The following LAMA3 variants were observed in gnomAD, a reference collection of about 807,000 sequenced individuals.
LAMA3 encodes the protein laminin subunit alpha-3.
In LAMA3, 281 loss-of-function variants were observed where a neutral mutation model predicts 402.0. The ratio of observed to expected loss-of-function variants is 0.70; its 90% CI spans 0.63 to 0.77. The LOEUF is 0.77. Ranked by LOEUF, LAMA3 falls within the 30% of genes least tolerant of loss-of-function variation. The pLI is 0.00. For synonymous variants in LAMA3, 1,431 were observed against 1,558.4 expected (o/e 0.92, Z 1.93); for missense variants, 3,840 against 4,215.5 (o/e 0.91, Z 2.47).
At chr18:23,815,407 T>G in intron 16 of LAMA3, 61 bp from the exon 17 acceptor site, 1 of 1,485,356 alleles carries the variant, frequency 6.7e-7, no homozygotes, top group Admixed American at 1.7e-5. Flanking sequence ...GTTTTCAATC[T>G]TGAAGATTAG....
At chr18:23,897,323 A>G (rs779247589) in intron 44 of LAMA3, among the ~76,000 whole-genome samples, 1 of 152,032 alleles carries the variant, frequency 6.6e-6, no homozygotes, top group Non-Finnish European at 1.5e-5. Flanking sequence ...TAGAAAAATG[A>G]CTCTTTCCTA....
intron 2 of LAMA3, among the ~76,000 whole-genome samples, chr18:23,743,439 T>C (rs1008478767): frequency 1.3e-5 from 2 of 152,204 alleles, no homozygotes; most frequent in Non-Finnish European, 2.9e-5. Flanking sequence ...TATCCATCCA[T>C]CCATCCATCC....
intron 73 of LAMA3, among the ~76,000 whole-genome samples, chr18:23,952,425 TATTA>T (rs1404972908): frequency 1.3e-5 from 2 of 152,232 alleles, no homozygotes; most frequent in African/African-American, 4.8e-5. Flanking sequence ...TCTGTTATTT[TATTA>T]ATTATTTGTG....
At chr18:23,781,307 A>C (rs1364003932) in intron 11 of LAMA3, 1 of 455,952 alleles carries the variant, frequency 2.2e-6, no homozygotes, top group Non-Finnish European at 4.4e-6. Context: ...GGTGGTGCTC[A>C]TGCCATCCTG....
chr18:23,910,251 C>T (rs868139303), intron 55 of LAMA3, among the ~76,000 whole-genome samples: 4 of 152,116 alleles, frequency 2.6e-5, no homozygotes, highest in South Asian at 2.1e-4. Context: ...CTTGCTCTGC[C>T]TTTGGTGAGC....
intron 3 of LAMA3, among the ~76,000 whole-genome samples, chr18:23,748,797 A>G (rs1397291366): frequency 3.6e-5 from 5 of 138,042 alleles, no homozygotes; most frequent in Admixed American, 7.2e-5. Context: ...TCCATCTTGG[A>G]AAAAAAAAAA....
At chr18:23,925,818 C>T (rs1219333735) in intron 62 of LAMA3, among the ~76,000 whole-genome samples, 3 of 152,200 alleles carry the variant, frequency 2.0e-5, no homozygotes, top group Non-Finnish European at 2.9e-5. Context: ...TTTAACACTT[C>T]TGCTGTAGGT....
At chr18:23,939,054 C>T (rs1194694873) in intron 67 of LAMA3, among the ~76,000 whole-genome samples, 169 bp from the exon 68 acceptor site, 3 of 152,226 alleles carry the variant, frequency 2.0e-5, no homozygotes, top group Admixed American at 6.5e-5. Flanking sequence ...GTCAGTGACC[C>T]GCAGGAAGGG....
intron 12 of LAMA3, among the ~76,000 whole-genome samples, chr18:23,786,494 C>A (rs567302330): frequency 1.4e-3 from 218 of 152,308 alleles, no homozygotes; most frequent in Non-Finnish European, 2.5e-3. Flanking sequence ...TCCCAATCAA[C>A]CCTACCCAAG....
At chr18:23,913,024 T>G (rs2081488257) in intron 56 of LAMA3, 143 bp downstream of exon 56, 2 of 790,628 alleles carry the variant, frequency 2.5e-6, no homozygotes, top group Non-Finnish European at 4.2e-6. Flanking sequence ...TCCCTCCAGC[T>G]TCCTCCCTGC....
At chr18:23,708,986 C>T (rs1215476183) in intron 1 of LAMA3, among the ~76,000 whole-genome samples, 1 of 151,578 alleles carries the variant, frequency 6.6e-6, no homozygotes, top group Admixed American at 6.6e-5. Context: ...AACTCCTGGC[C>T]TCAAGTGATC....
intron 1 of LAMA3, among the ~76,000 whole-genome samples, chr18:23,690,999 A>T (rs1487543450): frequency 6.7e-6 from 1 of 149,720 alleles, no homozygotes; most frequent in Non-Finnish European, 1.5e-5. Context: ...TTCTGTCTTG[A>T]CCTCCCAAAG....
At chr18:23,787,314 G>T (rs1172197005) in intron 12 of LAMA3, among the ~76,000 whole-genome samples, 1 of 151,900 alleles carries the variant, frequency 6.6e-6, no homozygotes, top group Non-Finnish European at 1.5e-5. Flanking sequence ...GAACCTGAAA[G>T]AAATATGGGA....
chr18:23,772,903 C>G (rs1200414252), intron 8 of LAMA3, among the ~76,000 whole-genome samples: 1 of 152,208 alleles, frequency 6.6e-6, no homozygotes, highest in Non-Finnish European at 1.5e-5. Flanking sequence ...CAAGGATTAA[C>G]CATGAACTGG....
At chr18:23,774,980 T>G (rs560852883) in intron 9 of LAMA3, among the ~76,000 whole-genome samples, 1 of 152,262 alleles carries the variant, frequency 6.6e-6, no homozygotes, top group African/African-American at 2.4e-5. Context: ...CTTTCTAGTT[T>G]TTTCATCATT....
rs913023279 is a variant in LAMA3 at position 23,839,453 on chromosome 18, T to A, written c.3192-332T>A. On this transcript the variant is annotated intron_variant, in intron 26 of 74. Transcript: ENST00000313654. This position sits in a 1 kb window ranked among gnomAD's most constrained non-coding sequence, Gnocchi z 4.5. ...ATATAGTGTTCTGTCAATATTTATGTTTAGAGGTGAATAATGTTTTATTGT... is the reference window on the plus strand; with the variant it reads ...ATATAGTGTTCTGTCAATATTTATGATTAGAGGTGAATAATGTTTTATTGT... 8.5e-5 allele frequency among the ~76,000 whole-genome samples: 13 copies of A among 152,204 alleles called. No homozygotes were observed. Among genetic ancestry groups the A allele is most frequent in the African/African-American group, 3.1e-4 (13 of 41,450 alleles).
chr18:23,748,068 A>G lies in LAMA3; in HGVS notation c.565+8A>G, dbSNP rs1388900850. 1.4e-6 allele frequency: 2 copies of G among 1,423,276 alleles called. No homozygotes were observed. Among genetic ancestry groups the G allele is most frequent in the African/African-American group, 2.8e-5 (2 of 71,094 alleles). 88.2% of individuals were successfully genotyped at this position (1,423,276 alleles called of 1,614,324 possible). ...CATGGCAATATTTTGCTCGTAAGTA[A>G]TCTTGCCTACCATGTTATGCATGGC... On this transcript the variant is annotated splice_region_variant and intron_variant, in intron 3 of 74. Coordinates refer to ENST00000313654, the MANE Select transcript of LAMA3 (RefSeq NM_198129.4).
chr18:23,787,340 C>T (rs575531792), intron 12 of LAMA3, among the ~76,000 whole-genome samples: 5 of 151,640 alleles, frequency 3.3e-5, no homozygotes, highest in Non-Finnish European at 5.9e-5. Context: ...TTAAGCACAA[C>T]ATATGGGTAA....
rs899550243 is a variant in LAMA3, at chr18:23,689,699, C to G, written c.16C>G (p.Arg6Gly). The change falls in exon 1 of 75, where the codon CGG becomes GGG. Residue 6 changes from arginine to glycine, a missense_variant. Coordinates refer to ENST00000313654, the MANE Select transcript of LAMA3 (RefSeq NM_198129.4). ...GCGCGGCTGGATGGCGGCGGCCGCG[C>G]GGCCTCGGGGTCGGGCACTGGGGCC... Reference protein sequence around the residue: MAAAARPRGRALGPVL... With the variant: MAAAAGPRGRALGPVL... 45 of 1,321,840 alleles carry G rather than the reference C, an allele frequency of 3.4e-5. No homozygotes were observed. Among genetic ancestry groups the G allele is most frequent in the Non-Finnish European group, 4.3e-5 (45 of 1,042,244 alleles). 81.9% of individuals were successfully genotyped at this position (1,321,840 alleles called of 1,614,324 possible). A position where few individuals can be genotyped will look rare whatever the true frequency, so the allele number is the denominator to read the frequency against.
Sources: allele counts gnomAD v4.1 joint callset (sites outside exome capture counted in the v4.1 genomes callset), GRCh38; gene constraint gnomAD v4.1.1; non-coding constraint Gnocchi (gnomAD v3.1); transcripts MANE v1.5; gene names NCBI Gene and HGNC (gene_info 2026-07-23, HGNC 2026-07-21).